The following NLGN1 variants were observed in gnomAD, a reference collection of about 807,000 sequenced individuals.
The protein encoded by NLGN1 is neuroligin 1.
Under a neutral mutation model 65.5 loss-of-function variants are expected in NLGN1, and 12 were observed. The ratio of observed to expected loss-of-function variants is 0.18; its 90% CI spans 0.12 to 0.30. The LOEUF is 0.30. Ranked by LOEUF, NLGN1 falls within the 10% of genes least tolerant of loss-of-function variation. The pLI is 1.00. For missense variants in NLGN1, 750 were observed against 1,007.1 expected (o/e 0.74, Z 3.46); for synonymous variants, 350 against 359.5 (o/e 0.97, Z 0.30).
intron 5 of NLGN1, 49 bp downstream of exon 5, chr3:174,275,576 C>A: frequency 9.1e-7 from 1 of 1,098,866 alleles, no homozygotes; most frequent in Non-Finnish European, 1.4e-6. Flanking sequence ...CTGCATGCCA[C>A]CACCATCAGT....
chr3:173,456,665 C>T (rs1159094943), intron 2 of NLGN1, among the ~76,000 whole-genome samples: 2 of 151,916 alleles, frequency 1.3e-5, no homozygotes, highest in Non-Finnish European at 1.5e-5. Context: ...ATGATGGAAC[C>T]AGCAGGATGT....
intron 4 of NLGN1, among the ~76,000 whole-genome samples, chr3:174,229,504 G>T (rs1055279746): frequency 1.3e-5 from 2 of 152,094 alleles, no homozygotes; most frequent in Admixed American, 1.3e-4. Flanking sequence ...TGTTAGATTT[G>T]TTTTCATTTA....
chr3:174,095,658 G>C (rs767501318), intron 4 of NLGN1, among the ~76,000 whole-genome samples: 2 of 151,840 alleles, frequency 1.3e-5, no homozygotes, highest in African/African-American at 4.8e-5. Context: ...GTAAATGCGT[G>C]TGTATAGATA....
At chr3:174,192,990 T>C (rs754373100) in intron 4 of NLGN1, among the ~76,000 whole-genome samples, 3 of 152,050 alleles carry the variant, frequency 2.0e-5, no homozygotes, top group Non-Finnish European at 4.4e-5. Flanking sequence ...GCAGAAGTAG[T>C]TCTCTTCTGA....
intron 4 of NLGN1, among the ~76,000 whole-genome samples, chr3:174,187,378 G>A (rs918850428): frequency 3.4e-4 from 51 of 151,936 alleles, no homozygotes; most frequent in African/African-American, 1.2e-3. Context: ...TTATAATCTG[G>A]ATGAACCCAA....
intron 4 of NLGN1, chr3:173,910,670 A>G (rs554478306): frequency 1.3e-5 from 2 of 152,354 alleles, no homozygotes; most frequent in South Asian, 2.1e-4. Context: ...TTAATAAGTA[A>G]TATATAATGC....
At chr3:173,466,523 T>C (rs897481243) in intron 2 of NLGN1, among the ~76,000 whole-genome samples, 1 of 152,174 alleles carries the variant, frequency 6.6e-6, no homozygotes, top group Non-Finnish European at 1.5e-5. Context: ...AGAGCGCTGG[T>C]ACTGGTGTGT....
intron 3 of NLGN1, among the ~76,000 whole-genome samples, chr3:173,757,916 A>C (rs913569964): frequency 6.6e-6 from 1 of 152,042 alleles, no homozygotes; most frequent in Non-Finnish European, 1.5e-5. Flanking sequence ...CCAAATTTTA[A>C]TATTTATCTA....
At chr3:173,940,079 G>GTTTTTTTT (rs1745752029) in intron 4 of NLGN1, among the ~76,000 whole-genome samples, 2 of 90,072 alleles carry the variant, frequency 2.2e-5, no homozygotes, top group African/African-American at 4.9e-5. Flanking sequence ...AATAGTTATA[G>GTTTTTTTT]CTTTTTTTTT....
chr3:174,158,670 G>A (rs541166402), intron 4 of NLGN1, among the ~76,000 whole-genome samples: 1 of 151,774 alleles, frequency 6.6e-6, no homozygotes, highest in Admixed American at 6.6e-5. Context: ...GAAACACTTA[G>A]TTGGAATAGT....
intron 4 of NLGN1, among the ~76,000 whole-genome samples, chr3:174,189,152 T>C (rs1731931203): frequency 6.6e-6 from 1 of 152,064 alleles, no homozygotes; most frequent in Non-Finnish European, 1.5e-5. Flanking sequence ...ATTTAGCTTC[T>C]GGACATGTGG....
intron 4 of NLGN1, among the ~76,000 whole-genome samples, chr3:173,965,078 T>A (rs1480505040): frequency 6.6e-6 from 1 of 152,142 alleles, no homozygotes; most frequent in Non-Finnish European, 1.5e-5. Flanking sequence ...TTATAGGTAT[T>A]TTTTTAATAA....
chr3:173,718,102 A>G (rs967588655), intron 3 of NLGN1, among the ~76,000 whole-genome samples: 1 of 152,060 alleles, frequency 6.6e-6, no homozygotes, highest in Non-Finnish European at 1.5e-5. Context: ...AAATTAGGGT[A>G]TTTCGTATAT....
At chr3:173,788,034 A>T (rs1711596997) in intron 3 of NLGN1, among the ~76,000 whole-genome samples, 1 of 152,084 alleles carries the variant, frequency 6.6e-6, no homozygotes, top group African/African-American at 2.4e-5. Context: ...TTTCCATAAA[A>T]AATATTGGCT....
At chr3:173,403,514 C>T (rs192368577) in intron 1 of NLGN1, among the ~76,000 whole-genome samples, 19 of 152,128 alleles carry the variant, frequency 1.2e-4, no homozygotes, top group South Asian at 1.2e-3. Flanking sequence ...TTTCTGATAA[C>T]GGTTTATTTA....
intron 3 of NLGN1, among the ~76,000 whole-genome samples, chr3:173,614,486 CCTCAGCTCACCATCTTT>C (rs1462689036): frequency 1.3e-5 from 2 of 152,118 alleles, no homozygotes; most frequent in Non-Finnish European, 2.9e-5. Context: ...AAACCATCTT[CCTCAGCTCACCATCTTT>C]CTCAGCGCAC....
At chr3:173,444,131 A>G (rs946894353) in intron 2 of NLGN1, among the ~76,000 whole-genome samples, 1 of 152,240 alleles carries the variant, frequency 6.6e-6, no homozygotes, top group Admixed American at 6.5e-5. Context: ...TACAATACTA[A>G]GATTATAGGA....
At chr3:173,498,148 C>T (rs543277186) in intron 2 of NLGN1, among the ~76,000 whole-genome samples, 1 of 151,808 alleles carries the variant, frequency 6.6e-6, no homozygotes, top group South Asian at 2.1e-4. Flanking sequence ...TGGTGTGCTG[C>T]ACCCATTAAC....
rs533705099 is a variant in NLGN1 at position 174,235,313 on chromosome 3, C to T, written c.647-40002C>T. On this transcript the variant is annotated intron_variant, in intron 4 of 6. Transcript: ENST00000457714. Reference sequence around the variant, plus strand: ...CTCCCACTCTTACCATCTCTCTTCTCCTGAACTTTTCCTCTTGGCTAAGAC... The same window carrying T: ...CTCCCACTCTTACCATCTCTCTTCTTCTGAACTTTTCCTCTTGGCTAAGAC... Among the ~76,000 whole-genome samples, 7 of 152,196 alleles carry T rather than the reference C, an allele frequency of 4.6e-5. No individual in the cohort carries two copies. In the South Asian group the frequency reaches 1.5e-3, roughly 32 times the overall value.
Sources: gnomAD v4.1 joint callset for allele counts (sites outside exome capture counted in the v4.1 genomes callset) on GRCh38, gnomAD v4.1.1 for gene constraint, MANE v1.5 for transcripts, NCBI Gene and HGNC (gene_info 2026-07-23, HGNC 2026-07-21) for gene names.